The following TRAP1 variants were observed in gnomAD, a reference collection of about 807,000 sequenced individuals.
TRAP1 encodes the protein TNF receptor associated protein 1, also known as heat shock protein 75 kDa, mitochondrial.
TRAP1 carries 102 observed loss-of-function variants against 89.1 expected under a neutral mutation model. That is an observed-to-expected ratio of 1.15 (90% confidence interval 0.98 to 1.35). The LOEUF (loss-of-function observed/expected upper bound fraction) is 1.35. Ranked by LOEUF, TRAP1 falls within the 40% of genes most tolerant of loss-of-function variation. The pLI is 0.00. For synonymous variants in TRAP1, 508 were observed against 388.0 expected, an observed-to-expected ratio of 1.31 and a Z score of -3.64; for missense variants, 1,256 against 945.3, an observed-to-expected ratio of 1.33 and a Z score of -4.31.
chr16:3,677,686 C>G, intron 5 of TRAP1, 28 bp from the exon 6 acceptor site: 3 of 1,605,770 alleles, frequency 1.9e-6, no homozygotes, highest in Non-Finnish European at 1.7e-6. Flanking sequence ...GTTAGTGAGG[C>G]AGCCTCCCCT....
chr16:3,696,582 G>T, intron 1 of TRAP1, among the ~76,000 whole-genome samples: 1 of 152,092 alleles, frequency 6.6e-6, no homozygotes, highest in East Asian at 1.9e-4. Flanking sequence ...TTGAGACAGG[G>T]TCTCACTCTG....
chr16:3,662,798 G>A (rs772333028), intron 15 of TRAP1, 84 bp downstream of exon 15: 24 of 1,323,688 alleles, frequency 1.8e-5, no homozygotes, highest in East Asian at 2.3e-5. Context: ...GACACCCAAC[G>A]GGCCAGGTAC....
chr16:3,699,220 C>G (rs915934388), intron 1 of TRAP1, among the ~76,000 whole-genome samples: 6 of 152,196 alleles, frequency 3.9e-5, no homozygotes, highest in African/African-American at 1.2e-4. Context: ...CCTTCCCATC[C>G]GAGTTGCTGC....
chr16:3,673,005 C>T (rs2050936170), intron 9 of TRAP1, among the ~76,000 whole-genome samples, 185 bp from the exon 10 acceptor site: 2 of 152,140 alleles, frequency 1.3e-5, no homozygotes, highest in Non-Finnish European at 2.9e-5. Flanking sequence ...TCTGCAGGGG[C>T]TGAAGGCCTT....
chr16:3,690,451 A>C (rs1039481292), intron 2 of TRAP1, among the ~76,000 whole-genome samples: 4 of 152,236 alleles, frequency 2.6e-5, no homozygotes, highest in Non-Finnish European at 4.4e-5. Flanking sequence ...GACTGGCTCC[A>C]AAGACTGCTT....
chr16:3,685,639 G>A (rs1010267211), intron 4 of TRAP1, among the ~76,000 whole-genome samples: 5 of 152,034 alleles, frequency 3.3e-5, no homozygotes, highest in African/African-American at 4.8e-5. Context: ...CTGCTTCGTC[G>A]GCATTTTGAG....
chr16:3,688,198 T>C (rs1246610896), intron 3 of TRAP1, among the ~76,000 whole-genome samples: 1 of 152,056 alleles, frequency 6.6e-6, no homozygotes, highest in Non-Finnish European at 1.5e-5. Context: ...ATGGGGTCTC[T>C]TCACGTTGCC....
At chr16:3,666,176 C>G in intron 11 of TRAP1, 58 bp from the exon 12 acceptor site, 4 of 1,553,292 alleles carry the variant, frequency 2.6e-6, no homozygotes, top group Non-Finnish European at 3.5e-6. Context: ...TACAAATGGC[C>G]AGAGGGTACG....
rs1555468286 is a variant in TRAP1 at position 3,710,880 on chromosome 16, T to TA, written c.88+6540_88+6541insT. On this transcript the variant is annotated intron_variant, in intron 1 of 17. Transcript: ENST00000246957. ...GTGTATATATATATATATATATATA[T>TA]TTTTTTTTTTGAGACACTGTCACTC... Among the ~76,000 whole-genome samples, 616 of 89,440 alleles carry TA rather than the reference T, an allele frequency of 6.9e-3. 6 individuals carry two copies. The highest frequency in any genetic ancestry group is 0.066 in the East Asian group (153 of 2,302). The allele number at this position is 89,440 out of a possible 152,430, so 58.7% of individuals were successfully genotyped here.
intron 3 of TRAP1, among the ~76,000 whole-genome samples, chr16:3,688,218 C>T (rs2051164271): frequency 6.6e-6 from 1 of 152,014 alleles, no homozygotes; most frequent in African/African-American, 2.4e-5. Flanking sequence ...CTAGGCTGGT[C>T]TCAGACTCCT....
chr16:3,667,496 G>A (rs573845038), intron 11 of TRAP1, among the ~76,000 whole-genome samples: 3 of 151,544 alleles, frequency 2.0e-5, no homozygotes, highest in Non-Finnish European at 4.4e-5. Flanking sequence ...ATGGTGGTGG[G>A]TGACTGTAGT....
rs577821942 is a variant in TRAP1, at chr16:3,710,956, G to A, written c.88+6465C>T. Among the ~76,000 whole-genome samples, 46 of 144,646 alleles carry A rather than the reference G, an allele frequency of 3.2e-4. 1 individual carries two copies. In the South Asian group the frequency reaches 9.1e-3, roughly 29 times the overall value. The allele number at this position is 144,646 out of a possible 152,430, so 94.9% of individuals were successfully genotyped here. On this transcript the variant is annotated intron_variant, in intron 1 of 17. Transcript: ENST00000246957. The stretch of plus-strand genomic sequence containing the variant: ...CGTGATCACAGCTCACTGCAGCCTC[G>A]ACTTCTCAAGGCTTAAGGGAGCCTC...
At chr16:3,676,922 CAT>C (rs2051004848) in intron 6 of TRAP1, 2 of 153,120 alleles carry the variant, frequency 1.3e-5, no homozygotes, top group Admixed American at 1.3e-4. Flanking sequence ...GGCGTGGTGG[CAT>C]GCGCCTGTAG....
chr16:3,715,296 G>C (rs1323937708), intron 1 of TRAP1, among the ~76,000 whole-genome samples: 2 of 152,126 alleles, frequency 1.3e-5, no homozygotes, highest in African/African-American at 4.8e-5. Flanking sequence ...AAATTAGCCA[G>C]GCATGGTGGT....
chr16:3,701,345 C>A (rs1596745655), intron 1 of TRAP1, among the ~76,000 whole-genome samples: 1 of 152,060 alleles, frequency 6.6e-6, no homozygotes, highest in African/African-American at 2.4e-5. Flanking sequence ...ACAATCACAG[C>A]TGGAGATCTT....
Position 3,662,934 on chromosome 16 carries a change from T to TC in TRAP1, c.1741dup (p.Glu581GlyfsTer104). 1 of 1,612,616 alleles carries TC rather than the reference T, an allele frequency of 6.2e-7. No individual in the cohort carries two copies. ...CACATTTCTCATCCAGGCCATGAGC[T>TC]CCTCCGTCTCCTTCTCTGATAGGCA... is the stretch of plus-strand genomic sequence containing the variant. On this transcript the variant is annotated frameshift_variant, in exon 15 of 18. Coordinates refer to ENST00000246957, the MANE Select transcript of TRAP1 (RefSeq NM_016292.3). LOFTEE classifies it high-confidence loss of function.
rs754069082 is a variant in TRAP1, at chr16:3,679,821, C to T, written c.472-31G>A. 3.7e-6 allele frequency: 6 copies of T among 1,612,010 alleles called. No homozygotes were observed. In the Middle Eastern group the frequency reaches 5.0e-4, roughly 133 times the overall value. ...GAGAGAGACGCACTAAGTGCCAAGC[C>T]CCCAGCACCTGGGGAGCCGGGTGAG... On this transcript the variant is annotated intron_variant, in intron 4 of 17. Transcript: ENST00000246957.
intron 1 of TRAP1, chr16:3,704,180 A>G (rs2051407995): frequency 6.6e-6 from 1 of 152,158 alleles, no homozygotes; most frequent in African/African-American, 2.4e-5. Flanking sequence ...ACCCGTCTCT[A>G]CTAAAAATAC....
chr16:3,664,308 G>A lies in TRAP1; in HGVS notation c.1535C>T (p.Pro512Leu), dbSNP rs764754892. The A allele has an allele frequency of 3.1e-6, 5 of 1,610,610 alleles. No individual in the cohort carries two copies. The African/African-American group carries it at 5.4e-5, about 17-fold the overall frequency. The change falls in exon 13 of 18, where the codon CCC (proline) becomes CTC (leucine). Residue 512 changes from proline to leucine, a missense_variant. By Grantham distance (98) the Pro-to-Leu change is moderately conservative (BLOSUM62 -3). Transcript: ENST00000246957. ...APNRHLAEHS[P>L]YYEAMKKKDT... ...TTTCTTCTTCATGGCCTCATAGTAG[G>A]GTGAGTGCTCTGCCAGGTGACGGTT...
Sources: allele counts gnomAD v4.1 joint callset (sites outside exome capture counted in the v4.1 genomes callset), GRCh38; gene constraint gnomAD v4.1.1; transcripts MANE v1.5; gene names NCBI Gene and HGNC (gene_info 2026-07-23, HGNC 2026-07-21).